PCDH7: variants seen among roughly 807,000 people sequenced by gnomAD.
PCDH7 encodes protocadherin 7, also known as protocadherin-7.
A neutral mutation model predicts 58.9 loss-of-function variants in PCDH7; 17 were observed. The ratio of observed to expected loss-of-function variants is 0.29; its 90% confidence interval spans 0.20 to 0.43. PCDH7 has a LOEUF of 0.43. PCDH7 is among the 20% of genes least tolerant of loss of function. The probability of loss-of-function intolerance (pLI) is 1.00; values close to 1 mark genes in which losing one functional copy is unlikely to be tolerated. For missense variants in PCDH7, 1,274 were observed against 1,441.0 expected (o/e 0.88, Z 1.88); for synonymous variants, 664 against 616.4 (o/e 1.08, Z -1.14).
chr4:31,119,847 C>T (rs528608212), intron 3 of PCDH7, among the ~76,000 whole-genome samples: 3 of 152,144 alleles, frequency 2.0e-5, no homozygotes, highest in East Asian at 1.9e-4. Flanking sequence ...GAAGGTCTTA[C>T]GCCAGTTAAA....
At chr4:30,740,301 T>C (rs1716890941) in intron 1 of PCDH7, among the ~76,000 whole-genome samples, 1 of 152,226 alleles carries the variant, frequency 6.6e-6, no homozygotes, top group Non-Finnish European at 1.5e-5. Context: ...TAGTATCTTG[T>C]ACTATGTTCT....
chr4:30,908,194 G>A (rs1042543432), intron 1 of PCDH7, among the ~76,000 whole-genome samples: 11 of 146,834 alleles, frequency 7.5e-5, no homozygotes, highest in African/African-American at 2.8e-4. Flanking sequence ...GTATGCCTAT[G>A]TAACAAACCT....
Position 30,721,520 on chromosome 4 carries a change from T to C in PCDH7, c.98T>C (p.Leu33Pro). ...CTCAGCCTGGCGGCCGCCAAGCAGC[T>C]CCTCCGGTACCGGCTGGCCGAGGAG... Residue 33 changes from leucine (L) to proline (P), a missense_variant, in exon 1 of 2, where the codon CTC (leucine) becomes CCC (proline). By Grantham distance (98) the Leu-to-Pro change is moderately conservative. Transcript: ENST00000361762. The surrounding 1 kb of genome is among the most constrained non-coding windows in gnomAD (Gnocchi z 6.7). 1 of 1,601,170 alleles carries C rather than the reference T, an allele frequency of 6.2e-7. No homozygotes were observed. The highest frequency in any genetic ancestry group is 8.5e-7 in the Non-Finnish European group (1 of 1,179,284).
intron 1 of PCDH7, among the ~76,000 whole-genome samples, chr4:30,832,412 CA>C (rs1729919627): frequency 6.6e-6 from 1 of 152,094 alleles, no homozygotes; most frequent in Admixed American, 6.6e-5. Context: ...TAAGCATCGA[CA>C]GATTTTTGAA....
intron 1 of PCDH7, among the ~76,000 whole-genome samples, chr4:30,838,658 G>A (rs537940987): frequency 2.4e-4 from 36 of 151,782 alleles, no homozygotes; most frequent in Non-Finnish European, 4.4e-4. Flanking sequence ...TTTTTTTTCC[G>A]TCTTTGTATT....
At chr4:31,082,747 G>T (rs1375648599) in intron 3 of PCDH7, among the ~76,000 whole-genome samples, 7 of 139,526 alleles carry the variant, frequency 5.0e-5, no homozygotes, top group Non-Finnish European at 1.1e-4. Flanking sequence ...GGCATACAGA[G>T]TGATATAATG....
intron 1 of PCDH7, among the ~76,000 whole-genome samples, chr4:30,766,545 AAC>A (rs1278907033): frequency 6.6e-6 from 1 of 152,122 alleles, no homozygotes; most frequent in Non-Finnish European, 1.5e-5. Context: ...GGTAGAAGGA[AAC>A]ACAGATTTTT....
At chr4:30,752,340 G>T (rs1236057628) in intron 1 of PCDH7, among the ~76,000 whole-genome samples, 2 of 152,068 alleles carry the variant, frequency 1.3e-5, no homozygotes, top group Admixed American at 6.6e-5. Context: ...CACCATGTTG[G>T]TCAGGCTGGT....
chr4:31,141,688 G>T (rs764727477), intron 3 of PCDH7, among the ~76,000 whole-genome samples: 4 of 152,116 alleles, frequency 2.6e-5, no homozygotes, highest in Non-Finnish European at 5.9e-5. Flanking sequence ...CCATTAATTA[G>T]AGTACAGGCT....
At chr4:30,868,705 C>T (rs190467583) in intron 1 of PCDH7, among the ~76,000 whole-genome samples, 5 of 152,054 alleles carry the variant, frequency 3.3e-5, no homozygotes, top group Non-Finnish European at 2.9e-5. Context: ...TGGAATAGGC[C>T]TGTTGTTTTA....
chr4:31,117,277 G>T (rs1234826310), intron 3 of PCDH7, among the ~76,000 whole-genome samples: 1 of 152,166 alleles, frequency 6.6e-6, no homozygotes, highest in Non-Finnish European at 1.5e-5. Flanking sequence ...CAAAATGTCA[G>T]TAAACCTAAT....
At chr4:30,876,058 T>C (rs966257093) in intron 1 of PCDH7, among the ~76,000 whole-genome samples, 4 of 152,248 alleles carry the variant, frequency 2.6e-5, no homozygotes, top group East Asian at 3.9e-4. Context: ...GTACTGATGG[T>C]GTTCTGTAAT....
intron 1 of PCDH7, among the ~76,000 whole-genome samples, chr4:30,812,055 A>T (rs906209167): frequency 6.6e-6 from 1 of 152,258 alleles, no homozygotes; most frequent in Non-Finnish European, 1.5e-5. Context: ...ATGAAAAGTT[A>T]CATTATTGAA....
At chr4:30,914,922 G>T (rs895160402) in intron 1 of PCDH7, among the ~76,000 whole-genome samples, 1 of 151,986 alleles carries the variant, frequency 6.6e-6, no homozygotes. Context: ...GTTATTTTTT[G>T]TGTACTGTTT....
intron 1 of PCDH7, among the ~76,000 whole-genome samples, chr4:30,750,209 A>G (rs1718326898): frequency 6.6e-6 from 1 of 152,178 alleles, no homozygotes; most frequent in African/African-American, 2.4e-5. Flanking sequence ...GGAGAAGTTA[A>G]TAGATTATGA....
chr4:31,031,791 T>C (rs1438356639), intron 3 of PCDH7, among the ~76,000 whole-genome samples: 3 of 152,220 alleles, frequency 2.0e-5, no homozygotes, highest in African/African-American at 7.2e-5. Flanking sequence ...AATATTCCTA[T>C]TATCTGCCAG....
At chr4:30,743,609 C>T (rs1160194750) in intron 1 of PCDH7, among the ~76,000 whole-genome samples, 7 of 131,088 alleles carry the variant, frequency 5.3e-5, no homozygotes, top group Admixed American at 8.2e-5. Flanking sequence ...ACATTTTCTC[C>T]TAAACTTATA....
At chr4:30,769,913 A>G (rs762797249) in intron 1 of PCDH7, among the ~76,000 whole-genome samples, 1 of 152,238 alleles carries the variant, frequency 6.6e-6, no homozygotes, top group Admixed American at 6.5e-5. Context: ...TGGTTTTTCT[A>G]TAGCTAGAGC....
intron 3 of PCDH7, among the ~76,000 whole-genome samples, chr4:31,045,564 C>A (rs957964369): frequency 6.6e-6 from 1 of 152,012 alleles, no homozygotes; most frequent in Non-Finnish European, 1.5e-5. Context: ...TATTTAAAAT[C>A]TTTGGTCAAA....
Sources: allele counts gnomAD v4.1 joint callset (sites outside exome capture counted in the v4.1 genomes callset), GRCh38; gene constraint gnomAD v4.1.1; non-coding constraint Gnocchi (gnomAD v3.1); transcripts MANE v1.5; gene names NCBI Gene and HGNC (gene_info 2026-07-23, HGNC 2026-07-21).